The following CDH13 variants were observed in gnomAD, a reference collection of about 807,000 sequenced individuals.
CDH13 encodes cadherin-13.
Under a neutral mutation model 63.8 loss-of-function variants are expected in CDH13, and 24 were observed. The observed-to-expected ratio is 0.38, with a 90% CI of 0.27 to 0.53. The LOEUF is 0.53. Among genes scored for constraint, CDH13 ranks in the 20% least tolerant of loss-of-function variants. The probability of loss-of-function intolerance (pLI) is 0.85; values close to 1 mark genes in which losing one functional copy is unlikely to be tolerated. For synonymous variants in CDH13, 503 were observed against 355.3 expected, an observed-to-expected ratio of 1.42 and a Z score of -4.67; for missense variants, 1,049 against 903.1, an observed-to-expected ratio of 1.16 and a Z score of -2.07.
chr16:82,782,304 G>A (rs985255132), intron 1 of CDH13, among the ~76,000 whole-genome samples: 1 of 152,210 alleles, frequency 6.6e-6, no homozygotes, highest in Non-Finnish European at 1.5e-5. Context: ...GCTCACGCCT[G>A]TAATCCCAGC....
chr16:83,762,311 C>T, intron 11 of CDH13, among the ~76,000 whole-genome samples: 1 of 151,992 alleles, frequency 6.6e-6, no homozygotes, highest in East Asian at 1.9e-4. Context: ...CAAAATAGTG[C>T]CTTCAGAGTA....
At chr16:82,998,129 A>G (rs1429842701) in intron 2 of CDH13, among the ~76,000 whole-genome samples, 2 of 152,206 alleles carry the variant, frequency 1.3e-5, no homozygotes, top group Admixed American at 6.5e-5. Flanking sequence ...CTTCAAAGCC[A>G]TCCACGTTTG....
At chr16:83,475,658 T>C (rs1347137289) in intron 6 of CDH13, among the ~76,000 whole-genome samples, 1 of 151,538 alleles carries the variant, frequency 6.6e-6, no homozygotes, top group East Asian at 2.0e-4. Flanking sequence ...CTCGGCTCCC[T>C]GCAGCCTTCG....
At chr16:83,222,404 G>A (rs1169822163) in intron 5 of CDH13, among the ~76,000 whole-genome samples, 1 of 152,208 alleles carries the variant, frequency 6.6e-6, no homozygotes, top group Non-Finnish European at 1.5e-5. Flanking sequence ...ACACATTAAA[G>A]TGAAAGCTGC....
At chr16:83,194,814 G>T (rs1205104186) in intron 4 of CDH13, among the ~76,000 whole-genome samples, 1 of 152,196 alleles carries the variant, frequency 6.6e-6, no homozygotes, top group Non-Finnish European at 1.5e-5. Context: ...GTGACGGCCA[G>T]GCCTGGGTGG....
chr16:83,183,204 T>C (rs1339100129), intron 4 of CDH13, among the ~76,000 whole-genome samples: 19 of 152,152 alleles, frequency 1.2e-4, no homozygotes, highest in Non-Finnish European at 7.3e-5. Context: ...GTCGTTTGAG[T>C]GGGAAGTGCT....
chr16:82,684,246 G>T (rs886116687), intron 1 of CDH13, among the ~76,000 whole-genome samples: 1 of 152,198 alleles, frequency 6.6e-6, no homozygotes, highest in Admixed American at 6.5e-5. Flanking sequence ...GATTCAGAAC[G>T]AAACGGTGAC....
intron 1 of CDH13, among the ~76,000 whole-genome samples, chr16:82,629,391 A>G (rs574559784): frequency 6.6e-6 from 1 of 152,262 alleles, no homozygotes; most frequent in Non-Finnish European, 1.5e-5. Context: ...TGGTAGCAAT[A>G]GTACCTCACA....
At chr16:83,263,248 T>G (rs542162042) in intron 5 of CDH13, among the ~76,000 whole-genome samples, 5 of 152,224 alleles carry the variant, frequency 3.3e-5, no homozygotes, top group African/African-American at 7.2e-5. Context: ...AAGCAACAAT[T>G]CCACCTTTTT....
chr16:82,992,138 T>C (rs2151407298), intron 2 of CDH13, among the ~76,000 whole-genome samples: 1 of 152,304 alleles, frequency 6.6e-6, no homozygotes, highest in East Asian at 1.9e-4. Flanking sequence ...TAATAGGAAG[T>C]GGTAAACTTC....
chr16:83,120,427 A>G (rs1050195234), intron 3 of CDH13, among the ~76,000 whole-genome samples: 6 of 152,170 alleles, frequency 3.9e-5, no homozygotes, highest in East Asian at 3.9e-4. Flanking sequence ...ATGACACTCT[A>G]TGCAAGGTTC....
intron 10 of CDH13, among the ~76,000 whole-genome samples, chr16:83,695,677 G>A (rs544944391): frequency 6.6e-6 from 1 of 152,242 alleles, no homozygotes; most frequent in East Asian, 1.9e-4. Flanking sequence ...TAGGGGCCAG[G>A]AAGAAAGGAT....
intron 8 of CDH13, among the ~76,000 whole-genome samples, chr16:83,619,979 TGAAA>T (rs1447288248): frequency 6.6e-6 from 1 of 151,344 alleles, no homozygotes; most frequent in Admixed American, 6.6e-5. Flanking sequence ...CAGAGCAACA[TGAAA>T]GAGTCAGGGA....
At chr16:83,787,194 T>A (rs1400239384) in intron 13 of CDH13, among the ~76,000 whole-genome samples, 1 of 152,248 alleles carries the variant, frequency 6.6e-6, no homozygotes, top group Non-Finnish European at 1.5e-5. Flanking sequence ...CTGTGTTACA[T>A]TCACAAGGTC....
In CDH13 at chr16:83,209,343, G is replaced by C. The variant is rs532333910; in HGVS notation, c.484-8002G>C. Among the ~76,000 whole-genome samples the C allele has an allele frequency of 8.3e-4, 127 of 152,258 alleles. No individual in the cohort carries two copies. The Middle Eastern group carries it at 0.01, about 12-fold the overall frequency. ...TCATAGACAAGGAAGGAGCCTCCAG[G>C]TCGGCCACTCCCAGATTTCCTAGCT... On this transcript the variant is annotated intron_variant, in intron 4 of 13. Coordinates refer to ENST00000567109, the MANE Select transcript of CDH13 (RefSeq NM_001257.5).
chr16:83,146,658 G>A (rs903186490), intron 4 of CDH13, among the ~76,000 whole-genome samples: 3 of 152,232 alleles, frequency 2.0e-5, no homozygotes, highest in African/African-American at 7.2e-5. Context: ...ATCCCTAACT[G>A]CAGCAGCAGC....
chr16:82,910,905 C>G (rs887995530), intron 2 of CDH13, among the ~76,000 whole-genome samples: 2 of 152,168 alleles, frequency 1.3e-5, no homozygotes, highest in Admixed American at 1.3e-4. Flanking sequence ...TTAATCAACT[C>G]TGACTGTGTG....
chr16:83,703,164 G>A (rs1269656699), intron 10 of CDH13, among the ~76,000 whole-genome samples: 1 of 152,228 alleles, frequency 6.6e-6, no homozygotes, highest in Non-Finnish European at 1.5e-5. Context: ...AACAGGCAAG[G>A]AATGGAAATT....
chr16:83,459,366 T>G (rs1598069838), intron 6 of CDH13, among the ~76,000 whole-genome samples: 1 of 152,190 alleles, frequency 6.6e-6, no homozygotes, highest in African/African-American at 2.4e-5. Context: ...CAGAAACACA[T>G]GACTATAAAT....
Sources: gnomAD v4.1 joint callset for allele counts (sites outside exome capture counted in the v4.1 genomes callset) on GRCh38, gnomAD v4.1.1 for gene constraint, MANE v1.5 for transcripts, NCBI Gene and HGNC (gene_info 2026-07-23, HGNC 2026-07-21) for gene names.